Variants in RAB5B observed in about 807,000 individuals in gnomAD.
RAB5B encodes RAB5B, member RAS oncogene family, also known as ras-related protein Rab-5B.
A neutral mutation model predicts 28.6 loss-of-function variants in RAB5B; 11 were observed. That is an observed-to-expected ratio of 0.38 (90% confidence interval 0.24 to 0.64). The LOEUF (loss-of-function observed/expected upper bound fraction) is 0.64. Among genes scored for constraint, RAB5B ranks in the 30% least tolerant of loss-of-function variants. The pLI is 0.53. For missense variants in RAB5B, 169 were observed against 265.6 expected, an observed-to-expected ratio of 0.64 and a Z score of 2.53; for synonymous variants, 93 against 97.9, an observed-to-expected ratio of 0.95 and a Z score of 0.29.
chr12:55,985,711 A>G (rs1030108549), intron 1 of RAB5B: 5 of 455,918 alleles, frequency 1.1e-5, no homozygotes, highest in Middle Eastern at 3.2e-4. Context: ...AGACTTCTGC[A>G]TGTCTTTAGA....
rs1592802484 is a variant in RAB5B at position 55,986,827 on chromosome 12, A to G, written c.-92-42A>G. 4.2e-6 allele frequency: 3 copies of G among 706,220 alleles called. No homozygotes were observed. The East Asian group carries it at 8.1e-5, about 19-fold the overall frequency. The allele number at this position is 706,220 out of a possible 1,614,324, so 43.7% of individuals were successfully genotyped here. A position where few individuals can be genotyped will look rare whatever the true frequency, so the allele number is the denominator to read the frequency against. On this transcript the variant is annotated intron_variant, in intron 1 of 5. Coordinates refer to ENST00000360299, the MANE Select transcript of RAB5B (RefSeq NM_002868.4). ...TTCTCTGAAAAGCGATTGCAGCTTC[A>G]ATGGACGTATGTTTAATTTTATTCA...
chr12:55,991,980 T>A, intron 5 of RAB5B, 117 bp from the exon 6 acceptor site: 3 of 730,952 alleles, frequency 4.1e-6, no homozygotes, highest in East Asian at 2.7e-5. Flanking sequence ...AGAACATTCT[T>A]TTAATCTCTC....
chr12:55,988,311 G>A (rs367965507), intron 2 of RAB5B, among the ~76,000 whole-genome samples: 2 of 152,158 alleles, frequency 1.3e-5, no homozygotes, highest in South Asian at 2.1e-4. Context: ...TATCCTAGGC[G>A]AAGGAGCGAG....
intron 5 of RAB5B, 102 bp downstream of exon 5, chr12:55,991,555 A>T: frequency 1.1e-6 from 1 of 902,346 alleles, no homozygotes; most frequent in Middle Eastern, 2.2e-4. Context: ...CTTTTGCAAA[A>T]ACTTTAGGTA....
chr12:55,990,168 A>G, intron 3 of RAB5B, 70 bp downstream of exon 3: 1 of 1,472,820 alleles, frequency 6.8e-7, no homozygotes, highest in South Asian at 1.3e-5. Flanking sequence ...CCAACACTTT[A>G]GGATGCCAAG....
At chr12:55,976,475 G>A (rs915474424) in intron 1 of RAB5B, among the ~76,000 whole-genome samples, 2 of 152,164 alleles carry the variant, frequency 1.3e-5, no homozygotes, top group Non-Finnish European at 2.9e-5. Context: ...AAAACTTTAT[G>A]GGGAGAAAGG....
At chr12:55,988,009 C>T (rs897220509) in intron 2 of RAB5B, among the ~76,000 whole-genome samples, 4 of 151,958 alleles carry the variant, frequency 2.6e-5, no homozygotes, top group South Asian at 2.1e-4. Context: ...ATTAGCTGGG[C>T]GTGGTGGCAC....
In RAB5B at chr12:55,974,084, C is replaced by G. The variant is rs976015643; in HGVS notation, c.-148C>G. The G allele has an allele frequency of 4.6e-5, 7 of 152,554 alleles. No individual in the cohort carries two copies. Among genetic ancestry groups the G allele is most frequent in the African/African-American group, 1.7e-4 (7 of 41,486 alleles). The allele number at this position is 152,554 out of a possible 1,614,324, so 9.5% of individuals were successfully genotyped here. On this transcript the variant is annotated 5_prime_UTR_variant, in exon 1 of 6. Coordinates refer to ENST00000360299, the MANE Select transcript of RAB5B (RefSeq NM_002868.4). ...GGGGCAGGAGGGTTTGGTTGAGCTG[C>G]AGCTGTTTGTCTGTTCGACACAGGC...
At chr12:55,991,554 A>G (rs754077849) in intron 5 of RAB5B, 101 bp downstream of exon 5, 11 of 925,178 alleles carry the variant, frequency 1.2e-5, no homozygotes, top group Non-Finnish European at 1.7e-5. Context: ...CCTTTTGCAA[A>G]AACTTTAGGT....
At chr12:55,975,903 C>T (rs753677664) in intron 1 of RAB5B, among the ~76,000 whole-genome samples, 27 of 151,674 alleles carry the variant, frequency 1.8e-4, no homozygotes, top group Non-Finnish European at 2.9e-4. Context: ...AGGCGTGCGC[C>T]ACCACGCCCA....
At chr12:55,991,834 G>A in intron 5 of RAB5B, 1 of 447,250 alleles carries the variant, frequency 2.2e-6, no homozygotes, top group South Asian at 2.2e-5. Flanking sequence ...GGCTGAGCCA[G>A]GATAATCACT....
intron 2 of RAB5B, among the ~76,000 whole-genome samples, chr12:55,988,310 C>T (rs1053865830): frequency 2.0e-5 from 3 of 151,882 alleles, no homozygotes; most frequent in East Asian, 1.9e-4. Flanking sequence ...TTATCCTAGG[C>T]GAAGGAGCGA....
At chr12:55,979,957 T>C (rs1300063581) in intron 1 of RAB5B, among the ~76,000 whole-genome samples, 1 of 152,132 alleles carries the variant, frequency 6.6e-6, no homozygotes, top group Non-Finnish European at 1.5e-5. Context: ...TTTTATTTTT[T>C]ATTTATTTAT....
chr12:55,976,762 T>C (rs1392399536), intron 1 of RAB5B, among the ~76,000 whole-genome samples: 2 of 152,214 alleles, frequency 1.3e-5, no homozygotes, highest in African/African-American at 4.8e-5. Context: ...TCCAAGCTTA[T>C]CTGGATTTGA....
Position 55,995,324 on chromosome 12 carries a change from C to T in RAB5B, c.*3112C>T, listed in dbSNP as rs1305759489. ...CAGGCTGGTCTTGAACTCCTGACCT[C>T]GTGATCCACCCACCTTGGCCTCCCA... On this transcript the variant is annotated 3_prime_UTR_variant, in exon 6 of 6. Transcript: ENST00000360299. 4 of 152,182 alleles carry T rather than the reference C, an allele frequency of 2.6e-5. No individual in the cohort carries two copies. In the East Asian group the frequency reaches 5.8e-4, roughly 22 times the overall value. 9.4% of individuals were successfully genotyped at this position (152,182 alleles called of 1,614,324 possible).
Position 55,995,420 on chromosome 12 carries a change from A to T in RAB5B, c.*3208A>T, listed in dbSNP as rs903159093. ...GCATATTTCTAGGATCCATTTCTAT[A>T]TGTTTCTCAAAGGGGTCCATGACCC... On this transcript the variant is annotated 3_prime_UTR_variant, in exon 6 of 6. Transcript: ENST00000360299. 1 of 152,156 alleles carries T rather than the reference A, an allele frequency of 6.6e-6. No homozygotes were observed. Among genetic ancestry groups the T allele is most frequent in the Non-Finnish European group, 1.5e-5 (1 of 68,026 alleles). 9.4% of individuals were successfully genotyped at this position (152,156 alleles called of 1,614,324 possible).
At chr12:55,980,513 C>CCT (rs1331764087) in intron 1 of RAB5B, 7 of 1,587,776 alleles carry the variant, frequency 4.4e-6, no homozygotes, top group Non-Finnish European at 6.1e-6. Context: ...TCTCCGGCCT[C>CCT]CTGACTTGAG....
chr12:55,980,764 G>C, intron 1 of RAB5B: 1 of 1,578,410 alleles, frequency 6.3e-7, no homozygotes, highest in Non-Finnish European at 8.7e-7. Context: ...TCTCATCCGT[G>C]ATGTCGTATG....
intron 1 of RAB5B, chr12:55,980,659 C>T: frequency 6.3e-7 from 1 of 1,594,876 alleles, no homozygotes; most frequent in Admixed American, 1.7e-5. Context: ...TCTTGGCCTC[C>T]ATGTCACATT....
Sources: gnomAD v4.1 joint callset for allele counts (sites outside exome capture counted in the v4.1 genomes callset) on GRCh38, gnomAD v4.1.1 for gene constraint, MANE v1.5 for transcripts, NCBI Gene and HGNC (gene_info 2026-07-23, HGNC 2026-07-21) for gene names.